DCC: variants seen among roughly 807,000 people sequenced by gnomAD.
DCC encodes DCC netrin 1 receptor.
A neutral mutation model predicts 172.5 loss-of-function variants in DCC; 58 were observed. The observed-to-expected ratio is 0.34, with a 90% confidence interval of 0.27 to 0.42. DCC has a LOEUF of 0.42. DCC is among the 10% of genes least tolerant of loss of function. The pLI is 1.00. For synonymous variants in DCC, 709 were observed against 644.5 expected (o/e 1.10, Z -1.52); for missense variants, 1,740 against 1,791.0 (o/e 0.97, Z 0.51).
chr18:52,710,969 T>G (rs1285053261), intron 1 of DCC, among the ~76,000 whole-genome samples: 1 of 151,992 alleles, frequency 6.6e-6, no homozygotes, highest in East Asian at 1.9e-4. Context: ...GAGGAGAGAG[T>G]TGGTCTCTAG....
intron 7 of DCC, among the ~76,000 whole-genome samples, chr18:53,149,638 A>T (rs893573118): frequency 2.0e-5 from 3 of 152,222 alleles, no homozygotes; most frequent in African/African-American, 7.2e-5. Flanking sequence ...CATATGATAT[A>T]TGTTTTTACA....
At chr18:52,516,585 T>C (rs531286333) in intron 1 of DCC, among the ~76,000 whole-genome samples, 1 of 152,240 alleles carries the variant, frequency 6.6e-6, no homozygotes, top group South Asian at 2.1e-4. Context: ...ATACGTTAAA[T>C]AAAAATGAAA....
At chr18:53,296,320 C>T (rs1009197952) in intron 12 of DCC, among the ~76,000 whole-genome samples, 1 of 152,136 alleles carries the variant, frequency 6.6e-6, no homozygotes, top group Non-Finnish European at 1.5e-5. Flanking sequence ...TTCCCTTTTC[C>T]TCCCAGTTTC....
At chr18:52,423,951 C>T (rs1046421320) in intron 1 of DCC, among the ~76,000 whole-genome samples, 3 of 152,050 alleles carry the variant, frequency 2.0e-5, no homozygotes, top group South Asian at 2.1e-4. Flanking sequence ...GCTTCCGTTC[C>T]GATAATGTCT....
intron 1 of DCC, among the ~76,000 whole-genome samples, chr18:52,451,019 T>C (rs1271808604): frequency 6.6e-6 from 1 of 152,216 alleles, no homozygotes; most frequent in Non-Finnish European, 1.5e-5. Context: ...ATGTTTGCCT[T>C]GGTTATGAAA....
chr18:52,408,631 G>T (rs1489819350), intron 1 of DCC, among the ~76,000 whole-genome samples: 6 of 152,016 alleles, frequency 3.9e-5, no homozygotes. Flanking sequence ...TGTATAGTTT[G>T]TTATTTTATA....
intron 1 of DCC, among the ~76,000 whole-genome samples, chr18:52,474,812 G>T (rs1989047736): frequency 6.6e-6 from 1 of 152,210 alleles, no homozygotes; most frequent in Non-Finnish European, 1.5e-5. Context: ...GTCTCAGAGA[G>T]CCCACGGGAA....
At chr18:52,616,487 G>GA (rs1288674879) in intron 1 of DCC, among the ~76,000 whole-genome samples, 1 of 152,120 alleles carries the variant, frequency 6.6e-6, no homozygotes, top group Non-Finnish European at 1.5e-5. Context: ...AATGTTTGAA[G>GA]AAAAATAGAG....
chr18:53,035,249 G>A (rs2042077491), intron 5 of DCC, among the ~76,000 whole-genome samples: 1 of 151,686 alleles, frequency 6.6e-6, no homozygotes, highest in Middle Eastern at 3.2e-3. Context: ...AGTAGCCTAT[G>A]GCCATACCAC....
chr18:53,222,792 C>T (rs557201819), intron 12 of DCC, among the ~76,000 whole-genome samples: 1 of 152,196 alleles, frequency 6.6e-6, no homozygotes, highest in South Asian at 2.1e-4. Context: ...ATTTGTTTAA[C>T]TCAGCTTTTT....
At chr18:53,421,708 C>T (rs1297745578) in intron 21 of DCC, among the ~76,000 whole-genome samples, 54 of 152,176 alleles carry the variant, frequency 3.5e-4, no homozygotes, top group Admixed American at 3.5e-3. Flanking sequence ...GGGCAGGTGA[C>T]TTAACATCTC....
intron 1 of DCC, among the ~76,000 whole-genome samples, chr18:52,532,254 A>G (rs961804561): frequency 2.0e-5 from 3 of 152,220 alleles, no homozygotes; most frequent in African/African-American, 2.4e-5. Context: ...CATCCTAGGC[A>G]TATACATTTT....
At chr18:52,499,884 C>G (rs1336490439) in intron 1 of DCC, among the ~76,000 whole-genome samples, 1 of 152,064 alleles carries the variant, frequency 6.6e-6, no homozygotes, top group African/African-American at 2.4e-5. Flanking sequence ...CAAGGATTAT[C>G]TATGTCACAA....
intron 13 of DCC, among the ~76,000 whole-genome samples, chr18:53,317,235 A>C (rs1193952847): frequency 2.6e-5 from 4 of 152,216 alleles, no homozygotes; most frequent in Non-Finnish European, 5.9e-5. Context: ...AAAATATCTC[A>C]AAATATTGAG....
intron 1 of DCC, among the ~76,000 whole-genome samples, chr18:52,466,487 A>AT (rs1159137481): frequency 1.3e-5 from 2 of 152,020 alleles, no homozygotes; most frequent in African/African-American, 4.8e-5. Flanking sequence ...TTCAGGGGAT[A>AT]TTTTTTGGAG....
intron 7 of DCC, among the ~76,000 whole-genome samples, chr18:53,087,033 G>A (rs1342263655): frequency 1.3e-5 from 2 of 151,760 alleles, no homozygotes; most frequent in Admixed American, 6.6e-5. Context: ...CCAAGTCTTT[G>A]CTGTTGTGAA....
At chr18:52,919,207 A>C (rs966857738) in intron 3 of DCC, among the ~76,000 whole-genome samples, 1 of 152,216 alleles carries the variant, frequency 6.6e-6, no homozygotes, top group Non-Finnish European at 1.5e-5. Context: ...CCGTGGCTGC[A>C]GAGCTCATGC....
intron 9 of DCC, among the ~76,000 whole-genome samples, chr18:53,180,593 C>T (rs925582470): frequency 2.6e-5 from 4 of 152,158 alleles, no homozygotes; most frequent in African/African-American, 9.7e-5. Context: ...TGTTTTGTTG[C>T]TGTACTGATT....
chr18:53,047,870 G>A (rs983164191), intron 5 of DCC, among the ~76,000 whole-genome samples: 1 of 151,028 alleles, frequency 6.6e-6, no homozygotes, highest in East Asian at 2.0e-4. Flanking sequence ...TGAATGGATA[G>A]ATCTACTATT....
Sources: allele counts gnomAD v4.1 joint callset (sites outside exome capture counted in the v4.1 genomes callset), GRCh38; gene constraint gnomAD v4.1.1; transcripts MANE v1.5; gene names NCBI Gene and HGNC (gene_info 2026-07-23, HGNC 2026-07-21).